Variants in PDE6B observed in about 807,000 individuals in gnomAD.
The protein encoded by PDE6B is phosphodiesterase 6B.
In PDE6B, 106 loss-of-function variants were observed where a neutral mutation model predicts 109.0. The ratio of observed to expected loss-of-function variants is 0.97; its 90% CI spans 0.83 to 1.14. The LOEUF is 1.14. Among genes scored for constraint, PDE6B ranks in the 50% most tolerant of loss-of-function variants. PDE6B has a pLI of 0.00. For missense variants in PDE6B, 1,193 were observed against 1,155.6 expected (o/e 1.03, Z -0.47); for synonymous variants, 490 against 471.3 (o/e 1.04, Z -0.51).
Position 662,746 on chromosome 4 carries a change from G to T in PDE6B, c.1832+128G>T. On this transcript the variant is annotated intron_variant, in intron 14 of 21. Transcript: ENST00000496514. The surrounding 1 kb of genome is among the most constrained non-coding windows in gnomAD (Gnocchi z 4.3). Reference sequence around the variant, plus strand: ...CGGCCAGGCCCCGTACTCCAGCACTGTGGGAGGCCAAGGCGAGGGGATTGC... The same window carrying T: ...CGGCCAGGCCCCGTACTCCAGCACTTTGGGAGGCCAAGGCGAGGGGATTGC... 1 of 721,682 alleles carries T rather than the reference G, an allele frequency of 1.4e-6. No individual in the cohort carries two copies. The allele number at this position is 721,682 out of a possible 1,614,324, so 44.7% of individuals were successfully genotyped here.
rs71602495 is a variant in PDE6B, at chr4:657,233, C to A, written c.1258-118C>A. The A allele has an allele frequency of 4.7e-6, 6 of 1,273,192 alleles. No individual in the cohort carries two copies. The South Asian group carries it at 5.1e-5, about 11-fold the overall frequency. 78.9% of individuals were successfully genotyped at this position (1,273,192 alleles called of 1,614,324 possible). The stretch of plus-strand genomic sequence containing the variant: ...CGGGAGACCCCACACAGAAGCACTG[C>A]GACACCATGGTGGCAGCCCCAGGAC... On this transcript the variant is annotated intron_variant, in intron 9 of 21. Coordinates refer to ENST00000496514, the MANE Select transcript of PDE6B (RefSeq NM_000283.4).
At position 634,754 on chromosome 4, in the gene PDE6B, T is replaced by G. The variant is rs368094720; in HGVS notation, c.546T>G (p.Asn182Lys). Residue 182 changes from asparagine to lysine, a missense_variant, in exon 2 of 22, where the codon AAT (asparagine) becomes AAG (lysine). Transcript: ENST00000496514. ...ATATGCTGGCCACACCCATCATGAATGGCAAAGACGTCGTGGCGGTGATCA... is the reference window on the plus strand; with the variant it reads ...ATATGCTGGCCACACCCATCATGAAGGGCAAAGACGTCGTGGCGGTGATCA... ...TKNMLATPIM[N>K]GKDVVAVIMA... 3.1e-6 allele frequency: 5 copies of G among 1,613,402 alleles called. No individual in the cohort carries two copies. The South Asian group carries it at 5.5e-5, about 18-fold the overall frequency.
Position 664,226 on chromosome 4 carries a change from G to A in PDE6B, c.2129+5G>A. 15 of 1,546,402 alleles carry A rather than the reference G, an allele frequency of 9.7e-6. No individual in the cohort carries two copies. Among genetic ancestry groups the A allele is most frequent in the African/African-American group, 1.4e-5 (1 of 73,630 alleles). ...GACCCGGAAGGAGATCGTCATGTGA[G>A]CGCGGGCGGAGGGGGCACGAGGGGT... is the stretch of plus-strand genomic sequence containing the variant. On this transcript the variant is annotated splice_donor_5th_base_variant and intron_variant, in intron 17 of 21. Coordinates refer to ENST00000496514, the MANE Select transcript of PDE6B (RefSeq NM_000283.4).
chr4:668,431 C>G (rs1018617407), intron 21 of PDE6B, among the ~76,000 whole-genome samples: 29 of 139,068 alleles, frequency 2.1e-4, no homozygotes, highest in Non-Finnish European at 3.6e-4. Context: ...GCTATTCCCG[C>G]TACCCCATGC....
In PDE6B at chr4:665,209, G is replaced by A. The variant is rs374815933; in HGVS notation, c.2194-46G>A. On this transcript the variant is annotated intron_variant, in intron 18 of 21. Transcript: ENST00000496514. The surrounding 1 kb of genome is among the most constrained non-coding windows in gnomAD (Gnocchi z 4.0). Reference sequence around the variant, plus strand: ...TCACGGGGCGGGCCCGGGCCCTTCCGCGTGGGCTCAGAGCTCCACAGACAG... The same window carrying A: ...TCACGGGGCGGGCCCGGGCCCTTCCACGTGGGCTCAGAGCTCCACAGACAG... The A allele has an allele frequency of 9.0e-6, 13 of 1,448,076 alleles. No individual in the cohort carries two copies. The highest frequency in any genetic ancestry group is 1.7e-5 in the Admixed American group (1 of 58,762). The allele number at this position is 1,448,076 out of a possible 1,614,324, so 89.7% of individuals were successfully genotyped here. A position where few individuals can be genotyped will look rare whatever the true frequency, so the allele number is the denominator to read the frequency against.
At chr4:659,494 AGT>A (rs1736768869) in intron 11 of PDE6B, among the ~76,000 whole-genome samples, 2 of 145,548 alleles carry the variant, frequency 1.4e-5, no homozygotes, top group Admixed American at 6.8e-5. Flanking sequence ...TGTGTGCACA[AGT>A]GTGTACGTGT....
At chr4:649,091 A>G (rs1296709285) in intron 3 of PDE6B, among the ~76,000 whole-genome samples, 1 of 152,126 alleles carries the variant, frequency 6.6e-6, no homozygotes, top group Non-Finnish European at 1.5e-5. Context: ...CTGTGGGGAG[A>G]TCCACGCTGG....
In PDE6B at chr4:665,373, AG is replaced by A. The variant is rs1432013483; in HGVS notation, c.2268+45del. 5.0e-6 allele frequency: 7 copies of A among 1,391,816 alleles called. No individual in the cohort carries two copies. Among genetic ancestry groups the A allele is most frequent in the Admixed American group, 1.7e-5 (1 of 59,338 alleles). 86.2% of individuals were successfully genotyped at this position (1,391,816 alleles called of 1,614,324 possible). A position where few individuals can be genotyped will look rare whatever the true frequency, so the allele number is the denominator to read the frequency against. ...ACCTTCCACTCCTGAAACGGGTGTT[AG>A]AGACCCCTCTTGGTCCTCAGGAGCC... On this transcript the variant is annotated intron_variant, in intron 19 of 21. Transcript: ENST00000496514. The surrounding 1 kb of genome is among the most constrained non-coding windows in gnomAD (Gnocchi z 4.0).
chr4:658,625 C>T (rs1026046895), intron 10 of PDE6B, among the ~76,000 whole-genome samples: 2 of 152,142 alleles, frequency 1.3e-5, no homozygotes, highest in African/African-American at 2.4e-5. Context: ...GTCCCTCTGT[C>T]TGCACGGCCC....
intron 2 of PDE6B, among the ~76,000 whole-genome samples, 164 bp downstream of exon 2, chr4:634,993 C>A (rs1414046578): frequency 1.1e-4 from 14 of 121,842 alleles, no homozygotes; most frequent in Non-Finnish European, 2.2e-4. Flanking sequence ...GTGTTCTGTG[C>A]TGCGTGTCTG....
intron 4 of PDE6B, 25 bp from the exon 5 acceptor site, chr4:654,043 GCAGTGACCGCCC>G: frequency 6.2e-7 from 1 of 1,613,232 alleles, no homozygotes; most frequent in Non-Finnish European, 8.5e-7. Flanking sequence ...CCCAGGTCCC[GCAGTGACCGCCC>G]CACCCTCACC....
At chr4:649,080 G>A (rs1287537908) in intron 3 of PDE6B, among the ~76,000 whole-genome samples, 2 of 152,228 alleles carry the variant, frequency 1.3e-5, no homozygotes, top group African/African-American at 4.8e-5. Flanking sequence ...GCCAGATGGA[G>A]CTGTGGGGAG....
In PDE6B at chr4:625,952, G is replaced by C. The variant is rs1265490170; in HGVS notation, c.326G>C (p.Arg109Thr). The C allele has an allele frequency of 1.3e-6, 2 of 1,589,172 alleles. No homozygotes were observed. Among genetic ancestry groups the C allele is most frequent in the Non-Finnish European group, 1.7e-6 (2 of 1,167,960 alleles). The change falls in exon 1 of 22, where the codon AGG becomes ACG. Residue 109 changes from arginine to threonine, a missense_variant. Physicochemically the swap from Arg to Thr is moderately conservative, Grantham distance 71. Coordinates refer to ENST00000496514, the MANE Select transcript of PDE6B (RefSeq NM_000283.4). The surrounding 1 kb of genome is among the most constrained non-coding windows in gnomAD (Gnocchi z 5.0). The part of the protein sequence containing the change: ...QRNGVAELAT[R>T]LFSVQPDSVL... Reference sequence around the variant, plus strand: ...AACGGCGTGGCCGAGCTGGCCACCAGGCTTTTCAGCGTGCAGCCGGACAGC... The same window carrying C: ...AACGGCGTGGCCGAGCTGGCCACCACGCTTTTCAGCGTGCAGCCGGACAGC...
intron 3 of PDE6B, among the ~76,000 whole-genome samples, chr4:638,850 T>C (rs1734814559): frequency 6.6e-6 from 1 of 152,176 alleles, no homozygotes; most frequent in South Asian, 2.1e-4. Flanking sequence ...TATCCAGCCC[T>C]CAACCAGGGG....
At chr4:631,139 A>G (rs1560102024) in intron 1 of PDE6B, among the ~76,000 whole-genome samples, 1 of 152,252 alleles carries the variant, frequency 6.6e-6, no homozygotes, top group Non-Finnish European at 1.5e-5. Flanking sequence ...GAGACTATGA[A>G]GAAGAGAAGG....
At chr4:656,818 G>C in intron 8 of PDE6B, 56 bp from the exon 9 acceptor site, 1 of 1,586,682 alleles carries the variant, frequency 6.3e-7, no homozygotes, top group Admixed American at 1.7e-5. Flanking sequence ...CCGGCCACAC[G>C]CCCGGGCCAG....
chr4:633,229 G>C lies in PDE6B; in HGVS notation c.469-1448G>C, dbSNP rs1255908102. On this transcript the variant is annotated intron_variant, in intron 1 of 21. Transcript: ENST00000496514. This position sits in a 1 kb window ranked among gnomAD's most constrained non-coding sequence, Gnocchi z 4.5. ...GTGGTGAGATGAGCCCTCCCTCAGG[G>C]CCCATCCCTGTTTCAGATCCAATAA... 6.6e-6 allele frequency among the ~76,000 whole-genome samples: 1 copy of C among 152,074 alleles called. No homozygotes were observed. Among genetic ancestry groups the C allele is most frequent in the African/African-American group, 2.4e-5 (1 of 41,396 alleles).
At chr4:638,767 G>A (rs1431321384) in intron 3 of PDE6B, among the ~76,000 whole-genome samples, 1 of 152,200 alleles carries the variant, frequency 6.6e-6, no homozygotes, top group Non-Finnish European at 1.5e-5. Flanking sequence ...GTAATGAGGG[G>A]GGCTGGGCCT....
chr4:654,336 G>C, intron 5 of PDE6B, 182 bp downstream of exon 5: 1 of 706,928 alleles, frequency 1.4e-6, no homozygotes. Context: ...CCAGGGATGG[G>C]GTGTCCAGGG....
Sources: allele counts gnomAD v4.1 joint callset (sites outside exome capture counted in the v4.1 genomes callset), GRCh38; gene constraint gnomAD v4.1.1; non-coding constraint Gnocchi (gnomAD v3.1); transcripts MANE v1.5; gene names NCBI Gene and HGNC (gene_info 2026-07-23, HGNC 2026-07-21).